The following KIF6 variants were observed in gnomAD, a reference collection of about 807,000 sequenced individuals.
KIF6 encodes the protein kinesin family member 6.
Under a neutral mutation model 112.7 loss-of-function variants are expected in KIF6, and 106 were observed. The ratio of observed to expected loss-of-function variants is 0.94; its 90% CI spans 0.80 to 1.11. The LOEUF (loss-of-function observed/expected upper bound fraction) is 1.11, where lower values mean the gene tolerates loss of function less well. KIF6 is among the 50% of genes least tolerant of loss of function. The pLI is 0.00. For missense variants in KIF6, 929 were observed against 964.0 expected (o/e 0.96, Z 0.48); for synonymous variants, 339 against 339.9 (o/e 1.00, Z 0.03).
At chr6:39,699,550 G>A (rs1471147869) in intron 3 of KIF6, among the ~76,000 whole-genome samples, 1 of 152,170 alleles carries the variant, frequency 6.6e-6, no homozygotes, top group Admixed American at 6.5e-5. Context: ...AGTGGATCAT[G>A]GAAGCTGGCC....
At chr6:39,626,099 T>C (rs1428235085) in intron 5 of KIF6, among the ~76,000 whole-genome samples, 1 of 152,126 alleles carries the variant, frequency 6.6e-6, no homozygotes. Context: ...GACCATAATG[T>C]GGTGGAGCCT....
chr6:39,473,185 CA>C (rs911082643), intron 13 of KIF6, among the ~76,000 whole-genome samples: 7 of 147,574 alleles, frequency 4.7e-5, no homozygotes, highest in Admixed American at 6.7e-5. Context: ...AGCACCCGGT[CA>C]AAAAAAAAGG....
intron 13 of KIF6, among the ~76,000 whole-genome samples, chr6:39,432,743 G>A (rs576052850): frequency 3.9e-5 from 6 of 152,284 alleles, no homozygotes; most frequent in African/African-American, 1.4e-4. Context: ...AGGAGCCAGC[G>A]GATTCATTCC....
At chr6:39,549,768 TTAAA>T (rs1220302932) in intron 10 of KIF6, among the ~76,000 whole-genome samples, 4 of 152,258 alleles carry the variant, frequency 2.6e-5, no homozygotes, top group Non-Finnish European at 5.9e-5. Flanking sequence ...TGAAGATTAC[TTAAA>T]TTAATTATGG....
At chr6:39,424,554 C>A (rs551066020) in intron 14 of KIF6, among the ~76,000 whole-genome samples, 3 of 152,264 alleles carry the variant, frequency 2.0e-5, no homozygotes, top group Non-Finnish European at 2.9e-5. Flanking sequence ...AGGCAACGTG[C>A]ACAAGTGAGG....
At chr6:39,482,291 G>A (rs1774848234) in intron 13 of KIF6, among the ~76,000 whole-genome samples, 1 of 152,112 alleles carries the variant, frequency 6.6e-6, no homozygotes, top group Non-Finnish European at 1.5e-5. Context: ...ATTCTACCTG[G>A]TGAATTGCAG....
At chr6:39,590,451 A>ATTTTTTT (rs58169713) in intron 7 of KIF6, among the ~76,000 whole-genome samples, 40 of 84,734 alleles carry the variant, frequency 4.7e-4, no homozygotes, top group African/African-American at 2.0e-3. Flanking sequence ...ATATATATAT[A>ATTTTTTT]TTTTTTTTTT....
chr6:39,592,920 A>T (rs888151216), intron 7 of KIF6, among the ~76,000 whole-genome samples: 1 of 152,228 alleles, frequency 6.6e-6, no homozygotes, highest in Non-Finnish European at 1.5e-5. Context: ...GAACCAATGT[A>T]GGCTAATTAA....
chr6:39,398,956 A>G (rs1768480161), intron 15 of KIF6, among the ~76,000 whole-genome samples: 1 of 152,192 alleles, frequency 6.6e-6, no homozygotes, highest in African/African-American at 2.4e-5. Context: ...CCATAATGGG[A>G]GTGGGCCTCA....
chr6:39,700,164 C>T (rs1186746409), intron 3 of KIF6, among the ~76,000 whole-genome samples: 1 of 152,168 alleles, frequency 6.6e-6, no homozygotes, highest in African/African-American at 2.4e-5. Flanking sequence ...CAATTACACT[C>T]ATTTAATTAT....
intron 13 of KIF6, among the ~76,000 whole-genome samples, chr6:39,455,779 GATGAA>G (rs1324589047): frequency 6.6e-6 from 1 of 151,890 alleles, no homozygotes; most frequent in Non-Finnish European, 1.5e-5. Flanking sequence ...AACAATGGAA[GATGAA>G]ATGAATGAAA....
At chr6:39,695,143 C>A (rs965671152) in intron 3 of KIF6, among the ~76,000 whole-genome samples, 1 of 152,074 alleles carries the variant, frequency 6.6e-6, no homozygotes, top group African/African-American at 2.4e-5. Flanking sequence ...TGGACCCCTA[C>A]CTCTCACCAT....
intron 13 of KIF6, among the ~76,000 whole-genome samples, chr6:39,479,276 T>G (rs779011450): frequency 1.1e-4 from 17 of 152,212 alleles, no homozygotes; most frequent in Admixed American, 1.3e-4. Context: ...CTGATTTTTA[T>G]GTAAGATGAG....
At chr6:39,375,820 T>C (rs1231555583) in intron 16 of KIF6, among the ~76,000 whole-genome samples, 1 of 152,248 alleles carries the variant, frequency 6.6e-6, no homozygotes, top group Non-Finnish European at 1.5e-5. Flanking sequence ...TCTGCTTATC[T>C]GGACAACCCT....
At chr6:39,627,029 T>C (rs1784128272) in intron 5 of KIF6, among the ~76,000 whole-genome samples, 1 of 152,174 alleles carries the variant, frequency 6.6e-6, no homozygotes, top group Non-Finnish European at 1.5e-5. Context: ...CCAATTATGC[T>C]ATGTCCTGGA....
chr6:39,717,471 T>C (rs1222715798), intron 2 of KIF6, among the ~76,000 whole-genome samples: 1 of 152,216 alleles, frequency 6.6e-6, no homozygotes, highest in Non-Finnish European at 1.5e-5. Flanking sequence ...TTTGCTCAAA[T>C]GTTCCTTTGC....
intron 2 of KIF6, among the ~76,000 whole-genome samples, chr6:39,718,942 A>G (rs1199014005): frequency 6.6e-6 from 1 of 152,112 alleles, no homozygotes; most frequent in Non-Finnish European, 1.5e-5. Context: ...AGAGATGTAT[A>G]TTATATATGA....
In KIF6 at chr6:39,720,754, G is replaced by T. The variant is rs538661685; in HGVS notation, c.124C>A (p.Arg42Ser). ...TTCACAAACCCATCTGCCAAATCAC[G>T]TGGTAAGATGATTTCCAAGCTAGGT... is the stretch of plus-strand genomic sequence containing the variant. ...LIPSLEIILP[R>S]DLADGFVNNK... The change falls in exon 2 of 23, where the codon CGT becomes AGT. Residue 42 changes from arginine (R) to serine (S), a missense_variant. This residue lies in a region of KIF6 where 688 missense variants were observed against 662.7 expected (regional missense o/e 1.04). Coordinates refer to ENST00000287152, the MANE Select transcript of KIF6 (RefSeq NM_145027.6). 1.1e-4 allele frequency: 171 copies of T among 1,609,996 alleles called. No homozygotes were observed. The highest frequency in any genetic ancestry group is 9.1e-4 in the South Asian group (83 of 90,972).
At chr6:39,368,507 G>A (rs902252565) in intron 16 of KIF6, among the ~76,000 whole-genome samples, 6 of 152,196 alleles carry the variant, frequency 3.9e-5, no homozygotes, top group Admixed American at 2.0e-4. Context: ...TTGACTCGTC[G>A]TTGGTATTTG....
Sources: allele counts gnomAD v4.1 joint callset (sites outside exome capture counted in the v4.1 genomes callset), GRCh38; gene constraint gnomAD v4.1.1; regional missense constraint gnomAD v4.1.1; transcripts MANE v1.5; gene names NCBI Gene and HGNC (gene_info 2026-07-23, HGNC 2026-07-21).